GAGE1: variants seen among roughly 807,000 people sequenced by gnomAD.
GAGE1 encodes G antigen 4.
In GAGE1, 5 loss-of-function variants were observed where a neutral mutation model predicts 5.0. That is an observed-to-expected ratio of 1.00 (90% CI 0.52 to 2.11). The LOEUF (loss-of-function observed/expected upper bound fraction) is 2.11, where lower values mean the gene tolerates loss of function less well. GAGE1 is among the 30% of genes most tolerant of loss of function. The probability of loss-of-function intolerance (pLI) is 0.01; values close to 1 mark genes in which losing one functional copy is unlikely to be tolerated. For missense variants in GAGE1, 9 were observed against 38.9 expected (o/e 0.23, Z 2.04); for synonymous variants, 6 against 14.8 (o/e 0.40, Z 1.37).
intron 4 of GAGE1, chrX:49,605,203 C>T: frequency 1.2e-6 from 1 of 851,597 alleles, no homozygotes; most frequent in Non-Finnish European, 1.5e-6. Context: ...GCTCCCTGCC[C>T]CACTGTCAGT....
chrX:49,604,605 G>A (rs1344985579), intron 4 of GAGE1, among the ~76,000 whole-genome samples: 11 of 112,080 alleles, frequency 9.8e-5, no homozygotes, highest in African/African-American at 1.6e-4. Context: ...CATAGAATGC[G>A]TGGGACACAG....
rs1246528561 is a variant in GAGE1 at position 49,606,832 on chromosome X, C to G, written c.*817C>G. ...GAGCGGGCACTCTGCTTCATGTTTA[C>G]TTTTGTCATGTTGCATGAAAAACAT... On this transcript the variant is annotated 3_prime_UTR_variant, in exon 5 of 5. Coordinates refer to ENST00000381700, the MANE Select transcript of GAGE1 (RefSeq NM_001040663.4). 8.9e-6 allele frequency: 1 copy of G among 112,226 alleles called. No individual in the cohort carries two copies. The highest frequency in any genetic ancestry group is 1.9e-5 in the Non-Finnish European group (1 of 53,276). 9.2% of individuals were successfully genotyped at this position (112,226 alleles called of 1,213,427 possible).
chrX:49,604,536 T>C (rs367674837), intron 4 of GAGE1, among the ~76,000 whole-genome samples: 1 of 112,269 alleles, frequency 8.9e-6, no homozygotes, highest in South Asian at 3.7e-4. Context: ...ATAGTGAGTT[T>C]AAGTCAGAGA....
intron 4 of GAGE1, among the ~76,000 whole-genome samples, chrX:49,604,472 T>C (rs781986646): frequency 5.3e-5 from 6 of 112,319 alleles, no homozygotes; most frequent in Admixed American, 1.9e-4. Flanking sequence ...ACAGCCTTGG[T>C]GAGATTCTGA....
chrX:49,604,517 G>C (rs139113470), intron 4 of GAGE1, among the ~76,000 whole-genome samples: 2,233 of 112,170 alleles, frequency 0.02, 20 homozygotes, highest in Non-Finnish European at 0.031. Context: ...ATCTTTGGTT[G>C]TTATGAAAAT....
intron 4 of GAGE1, among the ~76,000 whole-genome samples, chrX:49,605,294 A>G (rs1413418646): frequency 8.9e-6 from 1 of 112,165 alleles, no homozygotes; most frequent in Non-Finnish European, 1.9e-5. Flanking sequence ...TGTTACATGT[A>G]AATTTCAGCT....
chrX:49,604,708 T>G, intron 4 of GAGE1, among the ~76,000 whole-genome samples: 1 of 112,439 alleles, frequency 8.9e-6, no homozygotes, highest in Non-Finnish European at 1.9e-5. Context: ...TCATTGTTAG[T>G]AAGAAAGTGA....
intron 4 of GAGE1, 45 bp from the exon 5 acceptor site, chrX:49,605,948 A>AATAATC (rs2066656428): frequency 6.2e-6 from 5 of 808,179 alleles, no homozygotes; most frequent in Admixed American, 4.1e-5. Context: ...TAATAATAAT[A>AATAATC]ATCTGTTGCT....
At chrX:49,605,818 A>T (rs781984998) in intron 4 of GAGE1, among the ~76,000 whole-genome samples, 175 bp from the exon 5 acceptor site, 1 of 109,437 alleles carries the variant, frequency 9.1e-6, no homozygotes, top group South Asian at 4.0e-4. Flanking sequence ...CTGAGGTAGG[A>T]GAATCGCTTG....
chrX:49,606,971 A>G lies in GAGE1; in HGVS notation c.*956A>G, dbSNP rs1267282089. The G allele has an allele frequency of 2.7e-5, 3 of 111,607 alleles. No individual in the cohort carries two copies. The highest frequency in any genetic ancestry group is 5.6e-5 in the Non-Finnish European group (3 of 53,178). 9.2% of individuals were successfully genotyped at this position (111,607 alleles called of 1,213,427 possible). On this transcript the variant is annotated 3_prime_UTR_variant, in exon 5 of 5. Transcript: ENST00000381700. ...TAGTCAATTACGTTGATAAATCTGT[A>G]CTTTTTAAATTTTAACAATTGAGAC...
chrX:49,604,379 A>G lies in GAGE1; in HGVS notation c.331+586A>G, dbSNP rs190876668. Among the ~76,000 whole-genome samples the G allele has an allele frequency of 4.5e-5, 5 of 112,332 alleles. No homozygotes were observed. In the East Asian group the frequency reaches 1.1e-3, roughly 25 times the overall value. On this transcript the variant is annotated intron_variant, in intron 4 of 4. Transcript: ENST00000381700. ...ATGCTTTTGCAAAGGTCTGCTTTTA[A>G]TCAATACATAACACATTTGTAACAC...
rs4824772 is a variant in GAGE1 at position 49,602,426 on chromosome X, G to A, written c.206-1242G>A. The stretch of plus-strand genomic sequence containing the variant: ...TTCCTGTATGTATCTTCAAGTCATA[G>A]CATTCATAGAAAATTTGCAAGAATA... On this transcript the variant is annotated intron_variant, in intron 3 of 4. Coordinates refer to ENST00000381700, the MANE Select transcript of GAGE1 (RefSeq NM_001040663.4). Among the ~76,000 whole-genome samples, 6 of 75,477 alleles carry A rather than the reference G, an allele frequency of 7.9e-5. 1 individual carries two copies. Among genetic ancestry groups the A allele is most frequent in the African/African-American group, 1.4e-4 (4 of 28,056 alleles). 65.5% of individuals were successfully genotyped at this position (75,477 alleles called of 115,157 possible). A position where few individuals can be genotyped will look rare whatever the true frequency, so the allele number is the denominator to read the frequency against.
rs1557132239 is a variant in GAGE1 at position 49,606,437 on chromosome X, A to C, written c.*422A>C. The stretch of plus-strand genomic sequence containing the variant: ...AGGCTTTTTTTGAACTCCTGAGCGC[A>C]AGTAATCCACTCTCCTTGGCCTTTC... On this transcript the variant is annotated 3_prime_UTR_variant, in exon 5 of 5. Coordinates refer to ENST00000381700, the MANE Select transcript of GAGE1 (RefSeq NM_001040663.4). 1 of 112,182 alleles carries C rather than the reference A, an allele frequency of 8.9e-6. No individual in the cohort carries two copies. Among genetic ancestry groups the C allele is most frequent in the Non-Finnish European group, 1.9e-5 (1 of 53,547 alleles). The allele number at this position is 112,182 out of a possible 1,213,427, so 9.2% of individuals were successfully genotyped here. A position where few individuals can be genotyped will look rare whatever the true frequency, so the allele number is the denominator to read the frequency against.
chrX:49,602,176 T>C (rs1350946683), intron 3 of GAGE1, among the ~76,000 whole-genome samples: 1 of 113,122 alleles, frequency 8.8e-6, no homozygotes, highest in Non-Finnish European at 1.9e-5. Context: ...AATAAATACA[T>C]AAATAAATTC....
intron 4 of GAGE1, among the ~76,000 whole-genome samples, chrX:49,604,549 T>G (rs1358072645): frequency 8.9e-6 from 1 of 112,172 alleles, no homozygotes; most frequent in Non-Finnish European, 1.9e-5. Context: ...GTCAGAGATT[T>G]TAAAACCATT....
At chrX:49,602,060 C>A (rs2066612261) in intron 3 of GAGE1, among the ~76,000 whole-genome samples, 1 of 108,254 alleles carries the variant, frequency 9.2e-6, no homozygotes, top group Middle Eastern at 4.8e-3. Context: ...CTCATAGTCC[C>A]AGCTACTTGG....
rs782100334 is a variant in GAGE1, at chrX:49,602,425, A to G, written c.206-1243A>G. Among the ~76,000 whole-genome samples, 27 of 77,341 alleles carry G rather than the reference A, an allele frequency of 3.5e-4. 7 individuals are homozygous for G. The highest frequency in any genetic ancestry group is 8.4e-4 in the Non-Finnish European group (26 of 30,857). 67.2% of individuals were successfully genotyped at this position (77,341 alleles called of 115,157 possible). On this transcript the variant is annotated intron_variant, in intron 3 of 4. Transcript: ENST00000381700. ...TTTCCTGTATGTATCTTCAAGTCAT[A>G]GCATTCATAGAAAATTTGCAAGAAT... is the stretch of plus-strand genomic sequence containing the variant.
chrX:49,604,563 C>G (rs1321715650), intron 4 of GAGE1, among the ~76,000 whole-genome samples: 1 of 111,950 alleles, frequency 8.9e-6, no homozygotes, highest in Non-Finnish European at 1.9e-5. Flanking sequence ...AACCATTTTC[C>G]ATTCCGGTTC....
In GAGE1 at chrX:49,607,900, T is replaced by A. The variant is rs985763888; in HGVS notation, c.*1885T>A. The A allele has an allele frequency of 1.2e-4, 13 of 111,710 alleles. No homozygotes were observed. Among genetic ancestry groups the A allele is most frequent in the African/African-American group, 4.2e-4 (13 of 30,727 alleles). The allele number at this position is 111,710 out of a possible 1,213,427, so 9.2% of individuals were successfully genotyped here. A position where few individuals can be genotyped will look rare whatever the true frequency, so the allele number is the denominator to read the frequency against. Reference sequence around the variant, plus strand: ...ACTTCTTTGTGCTAGGTTGTGTACATGTATGACCTCTTTAGATCCTCACAA... The same window carrying A: ...ACTTCTTTGTGCTAGGTTGTGTACAAGTATGACCTCTTTAGATCCTCACAA... On this transcript the variant is annotated 3_prime_UTR_variant, in exon 5 of 5. Transcript: ENST00000381700.
Sources: gnomAD v4.1 joint callset for allele counts (sites outside exome capture counted in the v4.1 genomes callset) on GRCh38, gnomAD v4.1.1 for gene constraint, MANE v1.5 for transcripts, NCBI Gene and HGNC (gene_info 2026-07-23, HGNC 2026-07-21) for gene names.